The following ADGRL2 variants were observed in gnomAD, a reference collection of about 807,000 sequenced individuals.
ADGRL2 encodes calcium-independent alpha-latrotoxin receptor 2.
ADGRL2 carries 44 observed loss-of-function variants against 157.4 expected under a neutral mutation model. That is an observed-to-expected ratio of 0.28 (90% CI 0.22 to 0.36). The LOEUF (loss-of-function observed/expected upper bound fraction) is 0.36, where lower values mean the gene tolerates loss of function less well. Among genes scored for constraint, ADGRL2 ranks in the 10% least tolerant of loss-of-function variants. The probability of loss-of-function intolerance (pLI) is 1.00; values close to 1 mark genes in which losing one functional copy is unlikely to be tolerated. For synonymous variants in ADGRL2, 585 were observed against 624.7 expected (o/e 0.94, Z 0.95); for missense variants, 1,510 against 1,768.9 (o/e 0.85, Z 2.63).
rs76875359 is a variant in ADGRL2 at position 81,530,059 on chromosome 1, G to T, written c.-247-50817G>T. Among the ~76,000 whole-genome samples the T allele has an allele frequency of 7.7e-3, 1,173 of 152,260 alleles. 14 individuals are homozygous for T. Among genetic ancestry groups the T allele is most frequent in the African/African-American group, 0.027 (1,127 of 41,542 alleles). On this transcript the variant is annotated intron_variant, in intron 2 of 24. Transcript: ENST00000370721. The stretch of plus-strand genomic sequence containing the variant: ...ATGATGGCTACAGGGTTGAATGCCA[G>T]GAACAGTGTTGTCACTCAATATGCA...
intron 3 of ADGRL2, among the ~76,000 whole-genome samples, chr1:81,611,218 A>G (rs1347285346): frequency 6.6e-6 from 1 of 152,200 alleles, no homozygotes; most frequent in Non-Finnish European, 1.5e-5. Flanking sequence ...TAGAACAGTC[A>G]CAGGCCACAT....
chr1:81,426,814 G>A (rs2077225946), intron 1 of ADGRL2: 1 of 512,448 alleles, frequency 2.0e-6, no homozygotes, highest in Non-Finnish European at 3.7e-6. Flanking sequence ...AAAGCCTGAT[G>A]CCCATCTACC....
chr1:81,374,578 G>GAAAACAAACAAACAAA (rs1553158624), intron 1 of ADGRL2, among the ~76,000 whole-genome samples: 1 of 130,256 alleles, frequency 7.7e-6, no homozygotes, highest in Non-Finnish European at 1.6e-5. Flanking sequence ...TCTCAAAAAA[G>GAAAACAAACAAACAAA]AAAAAAAAAA....
rs79280260 is a variant in ADGRL2 at position 81,384,214 on chromosome 1, A to G, written c.-301-60822A>G. Among the ~76,000 whole-genome samples, 1,060 of 152,344 alleles carry G rather than the reference A, an allele frequency of 7.0e-3. 13 individuals are homozygous for G. Among genetic ancestry groups the G allele is most frequent in the African/African-American group, 0.024 (1,002 of 41,584 alleles). The stretch of plus-strand genomic sequence containing the variant: ...GTTAGAGAAACTATAGCATACTCAT[A>G]TAATGGCATGTTATGCAGCCCTTAA... On this transcript the variant is annotated intron_variant, in intron 1 of 24. Coordinates refer to the ADGRL2 transcript ENST00000370721.
intron 2 of ADGRL2, among the ~76,000 whole-genome samples, chr1:81,541,243 A>G (rs1360441445): frequency 6.6e-6 from 1 of 152,222 alleles, no homozygotes; most frequent in Non-Finnish European, 1.5e-5. Flanking sequence ...GTATCCTGCT[A>G]TTGCTTATTA....
intron 1 of ADGRL2, among the ~76,000 whole-genome samples, chr1:81,732,774 G>A (rs527492715): frequency 6.6e-6 from 1 of 152,168 alleles, no homozygotes; most frequent in African/African-American, 2.4e-5. Flanking sequence ...AAATCACAAT[G>A]GCTATGTTGA....
intron 2 of ADGRL2, among the ~76,000 whole-genome samples, chr1:81,558,735 ATGTT>A (rs2080372991): frequency 6.6e-6 from 1 of 152,172 alleles, no homozygotes; most frequent in African/African-American, 2.4e-5. Flanking sequence ...CTTTCAATAC[ATGTT>A]TGTTATTCTC....
chr1:81,553,616 T>C (rs1450177643), intron 2 of ADGRL2, among the ~76,000 whole-genome samples: 1 of 152,180 alleles, frequency 6.6e-6, no homozygotes, highest in African/African-American at 2.4e-5. Context: ...TACCACTCAT[T>C]TAAAAATCTA....
At chr1:81,847,813 A>C (rs183691181) in intron 2 of ADGRL2, among the ~76,000 whole-genome samples, 12 of 152,070 alleles carry the variant, frequency 7.9e-5, no homozygotes, top group Non-Finnish European at 1.0e-4. Context: ...AACACTATAA[A>C]GTCATGTAAT....
chr1:81,441,667 T>A (rs113451499), intron 1 of ADGRL2, among the ~76,000 whole-genome samples: 3,601 of 152,086 alleles, frequency 0.024, 73 homozygotes, highest in African/African-American at 0.042. Flanking sequence ...CCTCCCGAGT[T>A]GCTGGGATTA....
intron 7 of ADGRL2, 79 bp from the exon 8 acceptor site, chr1:81,950,939 C>A: frequency 1.1e-6 from 1 of 877,028 alleles, no homozygotes; most frequent in Non-Finnish European, 1.9e-6. Context: ...ACACGCAGAG[C>A]AGGATCATCA....
chr1:81,844,996 A>G (rs1217301138), intron 2 of ADGRL2, among the ~76,000 whole-genome samples: 1 of 152,158 alleles, frequency 6.6e-6, no homozygotes, highest in East Asian at 1.9e-4. Context: ...AAGGTTCATA[A>G]TTCTGTGACT....
chr1:81,708,639 C>CATATATATAT (rs144706739), intron 1 of ADGRL2, among the ~76,000 whole-genome samples: 3 of 148,302 alleles, frequency 2.0e-5, no homozygotes, highest in African/African-American at 5.0e-5. Context: ...TTAAAATTTA[C>CATATATATAT]ATATATATAT....
At chr1:81,928,332 A>G (rs185845953) in intron 3 of ADGRL2, among the ~76,000 whole-genome samples, 265 of 152,226 alleles carry the variant, frequency 1.7e-3, no homozygotes, top group Middle Eastern at 3.4e-3. Flanking sequence ...AGAATCAGGT[A>G]CGGCTGATTG....
intron 1 of ADGRL2, among the ~76,000 whole-genome samples, chr1:81,827,629 G>A (rs903911442): frequency 4.6e-5 from 7 of 152,050 alleles, no homozygotes; most frequent in Non-Finnish European, 8.8e-5. Context: ...GCAGTGGTGC[G>A]ATCTTGGCGC....
At chr1:81,891,307 C>T (rs573425219) in intron 2 of ADGRL2, among the ~76,000 whole-genome samples, 1 of 151,668 alleles carries the variant, frequency 6.6e-6, no homozygotes, top group Admixed American at 6.6e-5. Context: ...TTACTTTGGA[C>T]CTTCAGTTTG....
Position 81,966,194 on chromosome 1 carries a change from A to C in ADGRL2, c.2143+11A>C, listed in dbSNP as rs375892307. The C allele has an allele frequency of 6.2e-7, 1 of 1,613,770 alleles. No individual in the cohort carries two copies. Among genetic ancestry groups the C allele is most frequent in the African/African-American group, 1.3e-5 (1 of 74,914 alleles). ...AGAACAGCAGGAATGGTAAGGTGGA[A>C]GTCTTTTAAAAATTGACAGTTTTTG... is the stretch of plus-strand genomic sequence containing the variant. On this transcript the variant is annotated intron_variant, in intron 12 of 23. Transcript: ENST00000686636.
At chr1:81,312,376 T>C (rs2100558090) in intron 1 of ADGRL2, among the ~76,000 whole-genome samples, 1 of 152,300 alleles carries the variant, frequency 6.6e-6, no homozygotes, top group Admixed American at 6.5e-5. Flanking sequence ...AGCATGCTCC[T>C]GGAACAATGA....
chr1:81,813,847 G>C (rs554712382), intron 1 of ADGRL2, among the ~76,000 whole-genome samples: 119 of 151,644 alleles, frequency 7.8e-4, no homozygotes, highest in African/African-American at 2.6e-3. Context: ...TGAGGTAAGG[G>C]TTACTGGAGA....
Sources: allele counts gnomAD v4.1 joint callset (sites outside exome capture counted in the v4.1 genomes callset), GRCh38; gene constraint gnomAD v4.1.1; transcripts MANE v1.5; gene names NCBI Gene and HGNC (gene_info 2026-07-23, HGNC 2026-07-21).